Variants in RECK observed in about 807,000 individuals in gnomAD.
RECK encodes the protein reversion inducing cysteine rich protein with kazal motifs.
A neutral mutation model predicts 115.1 loss-of-function variants in RECK; 69 were observed. The observed-to-expected ratio is 0.60, with a 90% CI of 0.49 to 0.73. RECK has a LOEUF of 0.73. Ranked by LOEUF, RECK falls within the 30% of genes least tolerant of loss-of-function variation. The pLI, the probability that RECK is intolerant of heterozygous loss-of-function variation, is 0.00. For missense variants in RECK, 1,047 were observed against 1,203.7 expected, an observed-to-expected ratio of 0.87 and a Z score of 1.93; for synonymous variants, 414 against 419.7, an observed-to-expected ratio of 0.99 and a Z score of 0.17.
Position 36,091,278 on chromosome 9 carries a change from G to T in RECK, c.1020G>T (p.Ala340=), listed in dbSNP as rs1162681988. 1 of 1,610,542 alleles carries T rather than the reference G, an allele frequency of 6.2e-7. No homozygotes were observed. Among genetic ancestry groups the T allele is most frequent in the South Asian group, 1.1e-5 (1 of 90,414 alleles). ...PVEVSMLTCL[A]DVREPCQLGC... ...AAGTGTCCATGTTGACCTGTTTAGC[G>T]GATGTCCGGGAACCTTGCCAGTTGG... Residue 340 remains alanine (A), a synonymous_variant, in exon 10 of 21, where the codon GCG becomes GCT. Coordinates refer to ENST00000377966, the MANE Select transcript of RECK (RefSeq NM_021111.3).
At chr9:36,037,231 C>T in intron 1 of RECK, 133 bp downstream of exon 1, 2 of 483,458 alleles carry the variant, frequency 4.1e-6, no homozygotes, top group Non-Finnish European at 6.5e-6. Context: ...CCCGGGACCC[C>T]AGGTCTCAGC....
At chr9:36,076,106 C>T (rs933530959) in intron 6 of RECK, among the ~76,000 whole-genome samples, 3 of 152,174 alleles carry the variant, frequency 2.0e-5, no homozygotes, top group Non-Finnish European at 4.4e-5. Flanking sequence ...ACGTAGCAAG[C>T]AAAGGGCAGA....
At chr9:36,088,472 CTA>C (rs1275705182) in intron 9 of RECK, among the ~76,000 whole-genome samples, 1 of 151,974 alleles carries the variant, frequency 6.6e-6, no homozygotes, top group African/African-American at 2.4e-5. Flanking sequence ...GAATTGCAGT[CTA>C]GAGACAAAAA....
intron 1 of RECK, among the ~76,000 whole-genome samples, chr9:36,044,834 A>T (rs554559620): frequency 3.0e-4 from 46 of 152,048 alleles, no homozygotes; most frequent in African/African-American, 1.1e-3. Flanking sequence ...TTTCTTTGCT[A>T]AAAGTAATAG....
chr9:36,064,627 A>G (rs1012607420), intron 5 of RECK, among the ~76,000 whole-genome samples: 1 of 152,202 alleles, frequency 6.6e-6, no homozygotes, highest in East Asian at 1.9e-4. Flanking sequence ...AGAGACGACT[A>G]TCCTATAGCC....
intron 10 of RECK, among the ~76,000 whole-genome samples, chr9:36,092,081 AT>A (rs1564124311): frequency 6.6e-6 from 1 of 152,108 alleles, no homozygotes; most frequent in Non-Finnish European, 1.5e-5. Flanking sequence ...CACACATCTT[AT>A]TTTTTTTAAA....
chr9:36,082,152 T>TTTTCTCTCTCTCTCTCTCTC (rs1822728935), intron 7 of RECK, among the ~76,000 whole-genome samples: 1 of 113,650 alleles, frequency 8.8e-6, no homozygotes, highest in African/African-American at 3.2e-5. Flanking sequence ...CCTCCCTGCT[T>TTTTCTCTCTCTCTCTCTCTC]TCTCTCTCTC....
intron 7 of RECK, among the ~76,000 whole-genome samples, chr9:36,082,058 A>AATC (rs1390644816): frequency 6.6e-6 from 1 of 151,800 alleles, no homozygotes; most frequent in South Asian, 2.1e-4. Flanking sequence ...AAGTCACCAG[A>AATC]ATCCCTGCTC....
chr9:36,096,324 G>T (rs941612951), intron 10 of RECK, among the ~76,000 whole-genome samples: 15 of 151,832 alleles, frequency 9.9e-5, no homozygotes, highest in South Asian at 6.2e-4. Context: ...ATTACCTGAC[G>T]TCAAGAGTTC....
intron 6 of RECK, among the ~76,000 whole-genome samples, chr9:36,067,772 C>T (rs1008078920): frequency 6.6e-6 from 1 of 152,024 alleles, no homozygotes; most frequent in Non-Finnish European, 1.5e-5. Context: ...TTAATTGAGT[C>T]AGGCTAATTA....
intron 1 of RECK, among the ~76,000 whole-genome samples, chr9:36,042,627 G>A (rs376084691): frequency 4.6e-5 from 7 of 152,090 alleles, no homozygotes; most frequent in African/African-American, 1.4e-4. Flanking sequence ...TGCTAATTGT[G>A]CTGCTATAAG....
chr9:36,109,530 G>A (rs1448259113), intron 14 of RECK, among the ~76,000 whole-genome samples: 1 of 152,206 alleles, frequency 6.6e-6, no homozygotes, highest in Non-Finnish European at 1.5e-5. Context: ...ACTCTAGTTG[G>A]TATATTCAGA....
chr9:36,106,718 C>A (rs1421766877), intron 13 of RECK, among the ~76,000 whole-genome samples: 1 of 151,958 alleles, frequency 6.6e-6, no homozygotes, highest in Non-Finnish European at 1.5e-5. Flanking sequence ...TTTACCCTTA[C>A]ATTATAAGTT....
intron 18 of RECK, 121 bp downstream of exon 18, chr9:36,119,088 CT>C: frequency 1.0e-6 from 1 of 984,704 alleles, no homozygotes; most frequent in Non-Finnish European, 1.5e-6. Context: ...TGAAGAGATT[CT>C]TATGCTGATC....
intron 12 of RECK, among the ~76,000 whole-genome samples, chr9:36,102,854 G>GC (rs150859266): frequency 0.025 from 3,833 of 151,752 alleles, 176 homozygotes; most frequent in African/African-American, 0.086. Context: ...TACTCCGGAG[G>GC]CCGAGGCAGG....
At chr9:36,046,298 T>C (rs989178941) in intron 1 of RECK, among the ~76,000 whole-genome samples, 1 of 152,212 alleles carries the variant, frequency 6.6e-6, no homozygotes, top group Admixed American at 6.5e-5. Flanking sequence ...ATTAATCCCT[T>C]TTAGTTGCTC....
intron 12 of RECK, among the ~76,000 whole-genome samples, chr9:36,104,292 G>GCA (rs1554709313): frequency 1.2e-3 from 52 of 43,882 alleles, no homozygotes; most frequent in African/African-American, 3.8e-3. Flanking sequence ...GTGTGTGTGT[G>GCA]TATATATATA....
chr9:36,048,712 C>T (rs1002860538), intron 1 of RECK, among the ~76,000 whole-genome samples: 1 of 152,176 alleles, frequency 6.6e-6, no homozygotes, highest in Non-Finnish European at 1.5e-5. Flanking sequence ...CTTTTGTTCA[C>T]TATTGTATCC....
intron 6 of RECK, among the ~76,000 whole-genome samples, chr9:36,069,785 C>A (rs1471526462): frequency 6.6e-6 from 1 of 151,922 alleles, no homozygotes; most frequent in Non-Finnish European, 1.5e-5. Context: ...CCTACAAATA[C>A]CCAGCAGGAT....
Sources: gnomAD v4.1 joint callset for allele counts (sites outside exome capture counted in the v4.1 genomes callset) on GRCh38, gnomAD v4.1.1 for gene constraint, MANE v1.5 for transcripts, NCBI Gene and HGNC (gene_info 2026-07-23, HGNC 2026-07-21) for gene names.